The following SEZ6 variants were observed in gnomAD, a reference collection of about 807,000 sequenced individuals.
The protein encoded by SEZ6 is seizure protein 6 homolog.
A neutral mutation model predicts 101.0 loss-of-function variants in SEZ6; 53 were observed. The ratio of observed to expected loss-of-function variants is 0.52; its 90% confidence interval spans 0.42 to 0.66. SEZ6 has a LOEUF of 0.66. SEZ6 is among the 30% of genes least tolerant of loss of function. SEZ6 has a pLI of 0.00. For synonymous variants in SEZ6, 488 were observed against 512.2 expected, an observed-to-expected ratio of 0.95 and a Z score of 0.64; for missense variants, 1,102 against 1,289.4, an observed-to-expected ratio of 0.85 and a Z score of 2.23.
chr17:28,985,234 G>C (rs1394866073), intron 1 of SEZ6, among the ~76,000 whole-genome samples: 1 of 152,334 alleles, frequency 6.6e-6, no homozygotes. Context: ...GGAGAGGCAC[G>C]GACTCGTCGA....
intron 4 of SEZ6, 47 bp downstream of exon 4, chr17:28,969,710 G>A (rs2041122395): frequency 7.1e-7 from 1 of 1,408,196 alleles, no homozygotes; most frequent in African/African-American, 1.5e-5. Context: ...CCAGCAAGGA[G>A]GGCAGCGAGT....
intron 1 of SEZ6, among the ~76,000 whole-genome samples, chr17:28,997,140 C>G (rs1194849902): frequency 1.3e-5 from 2 of 152,070 alleles, no homozygotes; most frequent in African/African-American, 4.8e-5. Context: ...AGGACTGGGG[C>G]TCTGCCAGGA....
At position 29,005,925 on chromosome 17, in the gene SEZ6, T is replaced by G; in HGVS notation, c.-56A>C. 1 of 1,319,896 alleles carries G rather than the reference T, an allele frequency of 7.6e-7. No homozygotes were observed. The highest frequency in any genetic ancestry group is 9.9e-7 in the Non-Finnish European group (1 of 1,009,980). 81.8% of individuals were successfully genotyped at this position (1,319,896 alleles called of 1,614,324 possible). On this transcript the variant is annotated 5_prime_UTR_variant, in exon 1 of 17. Transcript: ENST00000317338. The surrounding 1 kb of genome is among the most constrained non-coding windows in gnomAD (Gnocchi z 4.8). ...GACCGCGGCGGGAGGGCGGGGGGCT[T>G]GGTGGGGCTTGGGCGCGGGGGCAGA...
At chr17:28,990,854 C>G (rs1352449255) in intron 1 of SEZ6, among the ~76,000 whole-genome samples, 2 of 152,272 alleles carry the variant, frequency 1.3e-5, no homozygotes, top group Non-Finnish European at 2.9e-5. Context: ...TCCAAATATT[C>G]AGGGAGGCTG....
At position 29,005,011 on chromosome 17, in the gene SEZ6, G is replaced by T. The variant is rs141857079; in HGVS notation, c.55+804C>A. 3.9e-5 allele frequency among the ~76,000 whole-genome samples: 6 copies of T among 152,210 alleles called. No individual in the cohort carries two copies. The highest frequency in any genetic ancestry group is 7.4e-5 in the Non-Finnish European group (5 of 68,004). ...GGTCCTCCAGAGACAAATCTGCCTT[G>T]CAGGTGGGGAGTGGACCAGGGCCGG... On this transcript the variant is annotated intron_variant, in intron 1 of 16. Coordinates refer to ENST00000317338, the MANE Select transcript of SEZ6 (RefSeq NM_178860.5). The surrounding 1 kb of genome is among the most constrained non-coding windows in gnomAD (Gnocchi z 4.8).
chr17:28,969,777 G>A lies in SEZ6; in HGVS notation c.1034C>T (p.Thr345Ile). 1.3e-6 allele frequency: 2 copies of A among 1,504,528 alleles called. No homozygotes were observed. The highest frequency in any genetic ancestry group is 1.8e-6 in the Non-Finnish European group (2 of 1,135,812). 93.2% of individuals were successfully genotyped at this position (1,504,528 alleles called of 1,614,324 possible). A position where few individuals can be genotyped will look rare whatever the true frequency, so the allele number is the denominator to read the frequency against. Residue 345 changes from threonine (T) to isoleucine (I), a missense_variant, in exon 4 of 17, where the codon ACC becomes ATC. By Grantham distance (89) the Thr-to-Ile change is moderately conservative (BLOSUM62 -1). Around this residue, in one of 3 missense-constraint regions of SEZ6, gnomAD observed 556 missense variants for 735.1 expected, o/e 0.76. Coordinates refer to ENST00000317338, the MANE Select transcript of SEZ6 (RefSeq NM_178860.5). ...QSLPPPAGPG[T>I]FHFHYQAYLL... ...CTTACCTTGGTAATGGAAATGGAAG[G>A]TGCCAGGGCCAGCCGGTGGCGGGAG... is the stretch of plus-strand genomic sequence containing the variant.
chr17:28,974,297 C>T (rs1245856372), intron 3 of SEZ6, among the ~76,000 whole-genome samples: 1 of 152,212 alleles, frequency 6.6e-6, no homozygotes, highest in Admixed American at 6.5e-5. Context: ...TACTCGGACA[C>T]AGGCCCACTT....
chr17:28,962,759 T>A (rs1319766109), intron 5 of SEZ6, among the ~76,000 whole-genome samples: 3 of 132,090 alleles, frequency 2.3e-5, no homozygotes, highest in African/African-American at 2.9e-5. Context: ...CCAGCCTGGG[T>A]GACAGAGGGA....
rs1384355421 is a variant in SEZ6, at chr17:28,957,625, AC to A, written c.2303-87del. 2.1e-6 allele frequency: 3 copies of A among 1,423,312 alleles called. No homozygotes were observed. In the African/African-American group the frequency reaches 4.3e-5, roughly 20 times the overall value. The allele number at this position is 1,423,312 out of a possible 1,614,324, so 88.2% of individuals were successfully genotyped here. On this transcript the variant is annotated intron_variant, in intron 11 of 16. Transcript: ENST00000317338. ...CCCTGGCTTTGTTCCAGGCCAGCTA[AC>A]TTCTTCATGTCGTATGGGTCTACCC...
intron 6 of SEZ6, 51 bp from the exon 7 acceptor site, chr17:28,960,722 G>C: frequency 3.7e-6 from 6 of 1,612,156 alleles, no homozygotes; most frequent in Non-Finnish European, 4.2e-6. Context: ...CCCAGATGGG[G>C]TGTGGCCCCA....
At chr17:28,971,167 G>A (rs940002179) in intron 3 of SEZ6, among the ~76,000 whole-genome samples, 2 of 152,204 alleles carry the variant, frequency 1.3e-5, no homozygotes, top group African/African-American at 4.8e-5. Flanking sequence ...CTAACCATGT[G>A]ATCTTGGACA....
chr17:28,956,168 G>T lies in SEZ6; in HGVS notation c.2943C>A (p.Tyr981Ter). The part of the protein sequence containing the change: ...TIESAFDNPT[Y>*]ETGSLSFAGD... ...TGGCATGGTTACTTACTCCAGTCTC[G>T]TAAGTTGGATTGTCAAACGCTGACT... Residue 981 changes from tyrosine to a stop codon, truncating the protein, a stop_gained, in exon 16 of 17, where the codon TAC becomes TAA. Coordinates refer to ENST00000317338, the MANE Select transcript of SEZ6 (RefSeq NM_178860.5). LOFTEE classifies it high-confidence loss of function. The T allele has an allele frequency of 6.6e-7, 1 of 1,517,728 alleles. No individual in the cohort carries two copies. Among genetic ancestry groups the T allele is most frequent in the South Asian group, 1.1e-5 (1 of 89,438 alleles). The allele number at this position is 1,517,728 out of a possible 1,614,324, so 94.0% of individuals were successfully genotyped here.
At position 28,981,315 on chromosome 17, in the gene SEZ6, G is replaced by T. The variant is rs537986642; in HGVS notation, c.724+56C>A. The T allele has an allele frequency of 7.0e-5, 105 of 1,498,410 alleles. 1 individual carries two copies. The Admixed American group carries it at 1.2e-3, about 17-fold the overall frequency. 92.8% of individuals were successfully genotyped at this position (1,498,410 alleles called of 1,614,324 possible). Reference sequence around the variant, plus strand: ...CAGTGTCAGAGACAGGCTTTTAGGGGCCCCGCAGCCTCCCCCATCCCCATT... The same window carrying T: ...CAGTGTCAGAGACAGGCTTTTAGGGTCCCCGCAGCCTCCCCCATCCCCATT... On this transcript the variant is annotated intron_variant, in intron 2 of 16. Transcript: ENST00000317338.
In SEZ6 at chr17:28,956,467, A is replaced by C; in HGVS notation, c.2732T>G (p.Val911Gly). 1 of 1,551,746 alleles carries C rather than the reference A, an allele frequency of 6.4e-7. No homozygotes were observed. The highest frequency in any genetic ancestry group is 8.7e-7 in the Non-Finnish European group (1 of 1,148,388). ...DGFYNSRSLDVAKAPAASSTL... is the reference protein window; with the variant it reads ...DGFYNSRSLDGAKAPAASSTL... ...GCTGGAGGCAGCAGGTGCCTTGGCA[A>C]CTGAAGACACAGAGGGTGTGACTGG... is the stretch of plus-strand genomic sequence containing the variant. Residue 911 changes from valine to glycine, a missense_variant and splice_region_variant, in exon 15 of 17, where the codon GTT becomes GGT. Transcript: ENST00000317338.
At chr17:28,990,942 GTCACTCAGGC>G in intron 1 of SEZ6, among the ~76,000 whole-genome samples, 1 of 152,118 alleles carries the variant, frequency 6.6e-6, no homozygotes, top group Non-Finnish European at 1.5e-5. Flanking sequence ...GTCTCACTCT[GTCACTCAGGC>G]TGGAGTGCAG....
chr17:28,956,269 G>T lies in SEZ6; in HGVS notation c.2850-8C>A. The T allele has an allele frequency of 6.3e-7, 1 of 1,595,752 alleles. No individual in the cohort carries two copies. Among genetic ancestry groups the T allele is most frequent in the Non-Finnish European group, 8.5e-7 (1 of 1,171,410 alleles). ...GAGCTTTTTCCCTGGAGCCTGTGGG[G>T]CAGAGAAGCCTGCAAGTCAGGAGCA... On this transcript the variant is annotated splice_polypyrimidine_tract_variant and splice_region_variant and intron_variant, in intron 15 of 16. Coordinates refer to ENST00000317338, the MANE Select transcript of SEZ6 (RefSeq NM_178860.5).
chr17:28,956,785 A>T (rs2040886086), intron 13 of SEZ6, 28 bp from the exon 14 acceptor site: 2 of 1,558,128 alleles, frequency 1.3e-6, no homozygotes, highest in Non-Finnish European at 1.7e-6. Flanking sequence ...GGCCAAGGGC[A>T]GTGAGTGAGC....
At chr17:29,006,140 G>T (rs1027924640), upstream of SEZ6, 3 of 273,280 alleles carry the variant, frequency 1.1e-5, no homozygotes, top group Admixed American at 5.4e-5. Flanking sequence ...AGAGACCCAG[G>T]GGCAGGAGCC....
chr17:29,002,089 T>G (rs2041622204), intron 1 of SEZ6, among the ~76,000 whole-genome samples: 1 of 134,786 alleles, frequency 7.4e-6, no homozygotes, highest in African/African-American at 2.9e-5. Context: ...CTCTTTCTTC[T>G]TTTTTTTTTT....
Sources: allele counts gnomAD v4.1 joint callset (sites outside exome capture counted in the v4.1 genomes callset), GRCh38; gene constraint gnomAD v4.1.1; regional missense constraint gnomAD v4.1.1; non-coding constraint Gnocchi (gnomAD v3.1); transcripts MANE v1.5; gene names NCBI Gene and HGNC (gene_info 2026-07-23, HGNC 2026-07-21).